IPO7: variants seen among roughly 807,000 people sequenced by gnomAD.
The protein encoded by IPO7 is importin-7.
Under a neutral mutation model 136.4 loss-of-function variants are expected in IPO7, and 13 were observed. The observed-to-expected ratio is 0.10, with a 90% CI of 0.06 to 0.15. IPO7 has a LOEUF of 0.15. Among genes scored for constraint, IPO7 ranks in the 10% least tolerant of loss-of-function variants. IPO7 has a pLI of 1.00. For synonymous variants in IPO7, 403 were observed against 404.4 expected (o/e 1.00, Z 0.04); for missense variants, 857 against 1,240.6 (o/e 0.69, Z 4.65).
chr11:9,432,106 T>G (rs538817705), intron 16 of IPO7, among the ~76,000 whole-genome samples: 63 of 152,308 alleles, frequency 4.1e-4, no homozygotes, highest in African/African-American at 1.5e-3. Flanking sequence ...ATTTGGTGTT[T>G]ATAATTCCAA....
At chr11:9,393,828 G>A (rs1440310814) in intron 1 of IPO7, among the ~76,000 whole-genome samples, 20 of 152,096 alleles carry the variant, frequency 1.3e-4, no homozygotes, top group Admixed American at 1.3e-3. Context: ...AAGACTTTCT[G>A]GGAAAATGCA....
chr11:9,445,209 T>G lies in IPO7; in HGVS notation c.*15T>G, dbSNP rs1590458265. 1 of 1,489,542 alleles carries G rather than the reference T, an allele frequency of 6.7e-7. No individual in the cohort carries two copies. Among genetic ancestry groups the G allele is most frequent in the Non-Finnish European group, 9.4e-7 (1 of 1,066,510 alleles). 92.3% of individuals were successfully genotyped at this position (1,489,542 alleles called of 1,614,324 possible). A position where few individuals can be genotyped will look rare whatever the true frequency, so the allele number is the denominator to read the frequency against. On this transcript the variant is annotated 3_prime_UTR_variant, in exon 25 of 25. Transcript: ENST00000379719. The stretch of plus-strand genomic sequence containing the variant: ...GGATGAATTGAGTTATCTCTTTCTT[T>G]CCTGCTGTGTGCTTGTAGTGAAGAG...
intron 4 of IPO7, among the ~76,000 whole-genome samples, chr11:9,413,140 A>C (rs1854992222): frequency 6.6e-6 from 1 of 152,022 alleles, no homozygotes; most frequent in Non-Finnish European, 1.5e-5. Flanking sequence ...GGCCTCCCAA[A>C]GTGCTAGGAT....
At chr11:9,438,729 C>G (rs1256946346) in intron 22 of IPO7, among the ~76,000 whole-genome samples, 1 of 152,178 alleles carries the variant, frequency 6.6e-6, no homozygotes, top group African/African-American at 2.4e-5. Flanking sequence ...TTTCTTCTCA[C>G]TAGAGTGATG....
intron 22 of IPO7, among the ~76,000 whole-genome samples, chr11:9,439,383 T>C (rs1434909035): frequency 6.6e-6 from 1 of 152,160 alleles, no homozygotes; most frequent in Admixed American, 6.5e-5. Context: ...CCCAAAGTGC[T>C]GGGATTACAG....
chr11:9,440,890 T>C (rs908377656), intron 23 of IPO7, among the ~76,000 whole-genome samples: 4 of 152,190 alleles, frequency 2.6e-5, no homozygotes, highest in African/African-American at 9.7e-5. Flanking sequence ...GAAAATAATG[T>C]AGTTCAAAAA....
At chr11:9,429,255 C>A in intron 14 of IPO7, 59 bp downstream of exon 14, 1 of 1,410,786 alleles carries the variant, frequency 7.1e-7, no homozygotes, top group Non-Finnish European at 9.9e-7. Flanking sequence ...TAGGTCACAC[C>A]TGTAATCTTA....
intron 23 of IPO7, 100 bp downstream of exon 23, chr11:9,440,761 A>C: frequency 1.0e-6 from 1 of 960,882 alleles, no homozygotes; most frequent in Non-Finnish European, 1.6e-6. Context: ...TCAAACCCAG[A>C]CTAGAAAAGG....
chr11:9,435,702 C>CA (rs1855359858), intron 19 of IPO7, among the ~76,000 whole-genome samples: 2 of 152,140 alleles, frequency 1.3e-5, no homozygotes, highest in Non-Finnish European at 2.9e-5. Context: ...TATTCCTGAA[C>CA]ACTTATTCAT....
rs1772853743 is a variant in IPO7 at position 9,446,656 on chromosome 11, C to G, written c.*1462C>G. ...AAGCAACATCTTAATGGATTCAAAA[C>G]TATTACAAGCTGTTGTCTAAAACAG... On this transcript the variant is annotated 3_prime_UTR_variant, in exon 25 of 25. Transcript: ENST00000379719. 6.6e-6 allele frequency: 1 copy of G among 152,046 alleles called. No individual in the cohort carries two copies. Among genetic ancestry groups the G allele is most frequent in the Non-Finnish European group, 1.5e-5 (1 of 68,004 alleles). The allele number at this position is 152,046 out of a possible 1,614,324, so 9.4% of individuals were successfully genotyped here. A position where few individuals can be genotyped will look rare whatever the true frequency, so the allele number is the denominator to read the frequency against.
intron 1 of IPO7, among the ~76,000 whole-genome samples, chr11:9,399,581 G>T (rs1194721271): frequency 6.6e-6 from 1 of 152,212 alleles, no homozygotes; most frequent in East Asian, 1.9e-4. Context: ...GGGAGAAATG[G>T]TGCAGGGAAG....
At chr11:9,431,321 A>G (rs1466707104) in intron 16 of IPO7, among the ~76,000 whole-genome samples, 1 of 152,166 alleles carries the variant, frequency 6.6e-6, no homozygotes, top group Non-Finnish European at 1.5e-5. Context: ...TACACATAGC[A>G]TAAAATTTAC....
intron 6 of IPO7, among the ~76,000 whole-genome samples, chr11:9,420,071 C>T (rs1855105094): frequency 1.3e-5 from 2 of 152,184 alleles, no homozygotes. Flanking sequence ...CGCCTGTAAT[C>T]CCAGCACTTT....
intron 22 of IPO7, among the ~76,000 whole-genome samples, chr11:9,439,794 C>T (rs1214156895): frequency 1.3e-5 from 2 of 151,930 alleles, no homozygotes; most frequent in African/African-American, 4.8e-5. Flanking sequence ...AGGGTGGTCT[C>T]AATCTCCTGA....
chr11:9,421,830 G>GCA (rs1855135658), intron 8 of IPO7, among the ~76,000 whole-genome samples: 1 of 152,050 alleles, frequency 6.6e-6, no homozygotes, highest in Non-Finnish European at 1.5e-5. Context: ...TGTATTCCCA[G>GCA]CTGCTTGGGA....
At chr11:9,415,266 G>T (rs1855024382) in intron 5 of IPO7, among the ~76,000 whole-genome samples, 2 of 151,512 alleles carry the variant, frequency 1.3e-5, no homozygotes, top group Non-Finnish European at 2.9e-5. Context: ...AGGTTGTGGT[G>T]AGCCAAGATC....
intron 4 of IPO7, among the ~76,000 whole-genome samples, chr11:9,410,997 C>T (rs1286696952): frequency 6.6e-6 from 1 of 152,130 alleles, no homozygotes; most frequent in Non-Finnish European, 1.5e-5. Context: ...GAGAAATATA[C>T]CATTTACAGC....
chr11:9,442,063 G>T lies in IPO7; in HGVS notation c.2903-18G>T, dbSNP rs752777566. The T allele has an allele frequency of 4.1e-6, 5 of 1,234,378 alleles. No homozygotes were observed. The African/African-American group carries it at 5.9e-5, about 15-fold the overall frequency. 76.5% of individuals were successfully genotyped at this position (1,234,378 alleles called of 1,614,324 possible). A position where few individuals can be genotyped will look rare whatever the true frequency, so the allele number is the denominator to read the frequency against. ...CTCTTATTCATGTTGTTTTTCCCTT[G>T]TTTTTATTTTTTGATAGCTATTCAA... On this transcript the variant is annotated intron_variant, in intron 23 of 24. Coordinates refer to ENST00000379719, the MANE Select transcript of IPO7 (RefSeq NM_006391.3).
At chr11:9,406,745 GCAC>G (rs1190829131) in intron 2 of IPO7, among the ~76,000 whole-genome samples, 4 of 151,974 alleles carry the variant, frequency 2.6e-5, no homozygotes. Flanking sequence ...GTAGTGGCAT[GCAC>G]CTGTAATCCC....
Sources: gnomAD v4.1 joint callset for allele counts (sites outside exome capture counted in the v4.1 genomes callset) on GRCh38, gnomAD v4.1.1 for gene constraint, MANE v1.5 for transcripts, NCBI Gene and HGNC (gene_info 2026-07-23, HGNC 2026-07-21) for gene names.